Variants in UHRF2 observed in about 807,000 individuals in gnomAD.
The protein encoded by UHRF2 is E3 ubiquitin-protein ligase UHRF2.
UHRF2 carries 23 observed loss-of-function variants against 96.8 expected under a neutral mutation model. The ratio of observed to expected loss-of-function variants is 0.24; its 90% CI spans 0.17 to 0.34. The LOEUF is 0.34. Ranked by LOEUF, UHRF2 falls within the 10% of genes least tolerant of loss-of-function variation. The pLI is 1.00. For synonymous variants in UHRF2, 385 were observed against 332.6 expected (o/e 1.16, Z -1.72); for missense variants, 685 against 981.5 (o/e 0.70, Z 4.04).
At chr9:6,436,629 A>C (rs1820862624) in intron 3 of UHRF2, among the ~76,000 whole-genome samples, 2 of 152,214 alleles carry the variant, frequency 1.3e-5, no homozygotes, top group South Asian at 4.1e-4. Flanking sequence ...TAAATAGTGA[A>C]CTAAGGCTTA....
chr9:6,416,527 C>G (rs1481506150), intron 1 of UHRF2, among the ~76,000 whole-genome samples: 1 of 139,830 alleles, frequency 7.2e-6, no homozygotes, highest in Non-Finnish European at 1.5e-5. Flanking sequence ...GTTGGTGGAT[C>G]TCTAAATCTT....
chr9:6,451,510 G>C (rs772426197), intron 3 of UHRF2, among the ~76,000 whole-genome samples: 1 of 149,238 alleles, frequency 6.7e-6, no homozygotes, highest in Non-Finnish European at 1.5e-5. Context: ...ACGGAGTCTC[G>C]CTGTCGCCCA....
chr9:6,430,562 A>G (rs1050421252), intron 2 of UHRF2, among the ~76,000 whole-genome samples: 14 of 152,240 alleles, frequency 9.2e-5, no homozygotes, highest in African/African-American at 3.4e-4. Flanking sequence ...CCTGCCTTTT[A>G]TATACAAAAA....
intron 10 of UHRF2, chr9:6,496,437 G>A (rs1346237106): frequency 1.8e-4 from 27 of 152,130 alleles, no homozygotes; most frequent in Admixed American, 1.7e-3. Context: ...CATCTAATAA[G>A]CTCATTGATT....
Position 6,434,043 on chromosome 9 carries a change from A to G in UHRF2, c.514A>G (p.Lys172Glu), listed in dbSNP as rs777191148. Reference protein sequence around the residue: ...KTPLKNGSSCKRTNGNIKHKS... With the variant: ...KTPLKNGSSCERTNGNIKHKS... ...TCCACTGAAGAATGGCAGTTCTTGT[A>G]AAAGGACTAATGGAAATATAAAGCA... is the stretch of plus-strand genomic sequence containing the variant. The change falls in exon 3 of 16, where the codon AAA (lysine) becomes GAA (glutamate). Residue 172 changes from lysine (K) to glutamate (E), a missense_variant. Coordinates refer to ENST00000276893, the MANE Select transcript of UHRF2 (RefSeq NM_152896.3). The G allele has an allele frequency of 1.1e-5, 17 of 1,614,158 alleles. No homozygotes were observed. The highest frequency in any genetic ancestry group is 1.7e-5 in the Admixed American group (1 of 60,030).
chr9:6,480,613 T>G (rs1356860421), intron 6 of UHRF2, among the ~76,000 whole-genome samples: 1 of 152,196 alleles, frequency 6.6e-6, no homozygotes, highest in Non-Finnish European at 1.5e-5. Context: ...ACTAATTTTC[T>G]CATCAGAGAG....
At chr9:6,433,305 C>T (rs755405002) in intron 2 of UHRF2, among the ~76,000 whole-genome samples, 5 of 152,084 alleles carry the variant, frequency 3.3e-5, no homozygotes, top group Non-Finnish European at 7.4e-5. Flanking sequence ...GTGTCTTACG[C>T]CCTGTTCATT....
At chr9:6,468,020 G>T (rs909186439) in intron 4 of UHRF2, among the ~76,000 whole-genome samples, 10 of 152,012 alleles carry the variant, frequency 6.6e-5, no homozygotes, top group African/African-American at 2.4e-4. Flanking sequence ...TACATAATGT[G>T]TCTTATAGTT....
At chr9:6,458,862 A>G (rs1822346283) in intron 3 of UHRF2, among the ~76,000 whole-genome samples, 1 of 152,250 alleles carries the variant, frequency 6.6e-6, no homozygotes, top group African/African-American at 2.4e-5. Context: ...TGTGGCACAT[A>G]TACACCATGG....
At chr9:6,502,546 C>G (rs1321054238) in intron 14 of UHRF2, among the ~76,000 whole-genome samples, 5 of 152,230 alleles carry the variant, frequency 3.3e-5, no homozygotes, top group Admixed American at 6.5e-5. Flanking sequence ...CTTCAGCCTC[C>G]TAAGTAGCTG....
At chr9:6,460,450 A>T (rs1822467999) in intron 3 of UHRF2, 123 bp from the exon 4 acceptor site, 1 of 760,152 alleles carries the variant, frequency 1.3e-6, no homozygotes, top group Non-Finnish European at 2.1e-6. Context: ...ATTTAAGGAC[A>T]CTTCAACCTA....
chr9:6,429,670 A>G (rs200354850), intron 2 of UHRF2, among the ~76,000 whole-genome samples: 57 of 152,200 alleles, frequency 3.7e-4, no homozygotes, highest in Admixed American at 1.7e-3. Flanking sequence ...TTGAACGTAT[A>G]TACTTAGTAA....
chr9:6,459,121 A>T (rs55960819), intron 3 of UHRF2, among the ~76,000 whole-genome samples: 16,575 of 152,132 alleles, frequency 0.11, 1,238 homozygotes, highest in East Asian at 0.27. Flanking sequence ...AATGTAGATG[A>T]CAGGTTGATG....
intron 2 of UHRF2, 31 bp from the exon 3 acceptor site, chr9:6,433,883 G>C (rs1425711550): frequency 6.3e-7 from 1 of 1,584,316 alleles, no homozygotes; most frequent in Non-Finnish European, 8.6e-7. Flanking sequence ...ACAAAATTAA[G>C]CTTCATTAAC....
At chr9:6,458,209 G>A (rs1393557862) in intron 3 of UHRF2, among the ~76,000 whole-genome samples, 15 of 152,056 alleles carry the variant, frequency 9.9e-5, no homozygotes, top group African/African-American at 2.9e-4. Flanking sequence ...TTAGGGATTC[G>A]ACTTCTTCCT....
At chr9:6,441,375 A>T (rs999934446) in intron 3 of UHRF2, among the ~76,000 whole-genome samples, 2 of 147,618 alleles carry the variant, frequency 1.4e-5, no homozygotes, top group Non-Finnish European at 3.0e-5. Context: ...ACCTGTCTCT[A>T]CCCCTCCCAA....
intron 2 of UHRF2, among the ~76,000 whole-genome samples, chr9:6,426,609 C>T (rs1018990150): frequency 1.8e-4 from 27 of 152,140 alleles, no homozygotes; most frequent in African/African-American, 6.0e-4. Flanking sequence ...TTCTGGATAG[C>T]TCATTCCATA....
At chr9:6,472,203 C>T (rs1025120644) in intron 4 of UHRF2, among the ~76,000 whole-genome samples, 3 of 152,190 alleles carry the variant, frequency 2.0e-5, no homozygotes, top group Non-Finnish European at 4.4e-5. Flanking sequence ...AGATTTTAGT[C>T]TCCAGAATTT....
chr9:6,488,491 C>A (rs911884584), intron 9 of UHRF2, among the ~76,000 whole-genome samples: 3 of 150,270 alleles, frequency 2.0e-5, no homozygotes, highest in Non-Finnish European at 4.4e-5. Flanking sequence ...GTAGCCCCCC[C>A]ACTGCTTCTT....
Sources: gnomAD v4.1 joint callset for allele counts (sites outside exome capture counted in the v4.1 genomes callset) on GRCh38, gnomAD v4.1.1 for gene constraint, MANE v1.5 for transcripts, NCBI Gene and HGNC (gene_info 2026-07-23, HGNC 2026-07-21) for gene names.